DSCAM: variants seen among roughly 807,000 people sequenced by gnomAD.
DSCAM encodes cell adhesion molecule DSCAM.
In DSCAM, 47 loss-of-function variants were observed where a neutral mutation model predicts 217.7. That is an observed-to-expected ratio of 0.22 (90% confidence interval 0.17 to 0.28). The LOEUF (loss-of-function observed/expected upper bound fraction) is 0.28, where lower values mean the gene tolerates loss of function less well. Among genes scored for constraint, DSCAM ranks in the 10% least tolerant of loss-of-function variants. The pLI is 1.00. For missense variants in DSCAM, 2,080 were observed against 2,618.3 expected (o/e 0.79, Z 4.49); for synonymous variants, 1,056 against 1,015.3 (o/e 1.04, Z -0.76).
intron 1 of DSCAM, among the ~76,000 whole-genome samples, chr21:40,713,712 C>G (rs1051199482): frequency 6.6e-6 from 1 of 152,176 alleles, no homozygotes; most frequent in Non-Finnish European, 1.5e-5. Context: ...GGAATGAGCT[C>G]ATGCATTTTA....
chr21:40,675,798 CAG>C (rs1239729541), intron 3 of DSCAM, among the ~76,000 whole-genome samples: 8 of 152,230 alleles, frequency 5.3e-5, no homozygotes, highest in Middle Eastern at 3.2e-3. Flanking sequence ...TGCTGTTACA[CAG>C]AGTTTACAAT....
intron 8 of DSCAM, among the ~76,000 whole-genome samples, chr21:40,314,675 G>A (rs1226830757): frequency 6.6e-6 from 1 of 152,086 alleles, no homozygotes; most frequent in Non-Finnish European, 1.5e-5. Context: ...TTGATTTCCT[G>A]GACACAAAAA....
intron 1 of DSCAM, among the ~76,000 whole-genome samples, chr21:40,822,921 G>A (rs1317424146): frequency 9.2e-5 from 14 of 152,064 alleles, no homozygotes; most frequent in African/African-American, 3.4e-4. Flanking sequence ...AGGCCGAGGC[G>A]GGCGGATCAC....
chr21:40,375,788 T>C (rs1166706833), intron 3 of DSCAM, among the ~76,000 whole-genome samples: 1 of 152,232 alleles, frequency 6.6e-6, no homozygotes, highest in African/African-American at 2.4e-5. Flanking sequence ...TTATTGCTTG[T>C]ATTCAAAACA....
Position 40,846,810 on chromosome 21 carries a change from C to A in DSCAM, c.-149G>T. ...GCCGCCGCCGCCGCTGCCTAGCCGC[C>A]CGGGCACGCGGCGCGGCCGGGCTCC... On this transcript the variant is annotated 5_prime_UTR_variant, in exon 1 of 33. Coordinates refer to ENST00000400454, the MANE Select transcript of DSCAM (RefSeq NM_001389.5). The A allele has an allele frequency of 5.6e-6, 1 of 177,306 alleles. No homozygotes were observed. Among genetic ancestry groups the A allele is most frequent in the South Asian group, 1.7e-4 (1 of 5,750 alleles). The allele number at this position is 177,306 out of a possible 1,614,324, so 11.0% of individuals were successfully genotyped here. A position where few individuals can be genotyped will look rare whatever the true frequency, so the allele number is the denominator to read the frequency against.
At chr21:40,092,583 G>A (rs2089625354) in intron 21 of DSCAM, among the ~76,000 whole-genome samples, 1 of 152,218 alleles carries the variant, frequency 6.6e-6, no homozygotes, top group Admixed American at 6.5e-5. Flanking sequence ...GCTGTGTCTA[G>A]AGATAGAACT....
chr21:40,099,963 G>T lies in DSCAM; in HGVS notation c.3697-6089C>A, dbSNP rs77256568. ...AGAAGGCTAATGGCGAACCACAGTG[G>T]CAGAGGTTAGCCCTGCTCACAACAG... On this transcript the variant is annotated intron_variant, in intron 20 of 32. Coordinates refer to ENST00000400454, the MANE Select transcript of DSCAM (RefSeq NM_001389.5). Among the ~76,000 whole-genome samples, 468 of 152,302 alleles carry T rather than the reference G, an allele frequency of 3.1e-3. 5 individuals are homozygous for T. The highest frequency in any genetic ancestry group is 0.011 in the African/African-American group (446 of 41,554).
intron 3 of DSCAM, among the ~76,000 whole-genome samples, chr21:40,541,229 T>A (rs1051551669): frequency 4.6e-5 from 7 of 152,208 alleles, no homozygotes; most frequent in Non-Finnish European, 1.0e-4. Context: ...CACATTACTA[T>A]AACTAGTCCA....
chr21:40,406,281 C>T (rs1375177056), intron 3 of DSCAM, among the ~76,000 whole-genome samples: 1 of 152,158 alleles, frequency 6.6e-6, no homozygotes, highest in African/African-American at 2.4e-5. Context: ...ACCATATGAT[C>T]CAGCAGTCCC....
At chr21:40,671,494 T>C (rs2090272964) in intron 3 of DSCAM, among the ~76,000 whole-genome samples, 1 of 149,266 alleles carries the variant, frequency 6.7e-6, no homozygotes, top group African/African-American at 2.6e-5. Flanking sequence ...GTCAACATAG[T>C]GAAACTCCCC....
rs1014241000 is a variant in DSCAM at position 40,823,038 on chromosome 21, G to A, written c.43+23581C>T. Among the ~76,000 whole-genome samples the A allele has an allele frequency of 1.1e-4, 17 of 152,028 alleles. No homozygotes were observed. In the East Asian group the frequency reaches 1.9e-3, roughly 17 times the overall value. ...GGTGGTTCATGCTTGTAATTCCAGC[G>A]GCTTGGGAGGCTGAGACAGGAGAAT... On this transcript the variant is annotated intron_variant, in intron 1 of 32. Coordinates refer to ENST00000400454, the MANE Select transcript of DSCAM (RefSeq NM_001389.5).
intron 3 of DSCAM, among the ~76,000 whole-genome samples, chr21:40,567,228 T>C (rs1187937533): frequency 6.6e-6 from 1 of 152,226 alleles, no homozygotes; most frequent in African/African-American, 2.4e-5. Context: ...GAACTTACTG[T>C]GCCTAGCAAA....
At chr21:40,315,152 A>C (rs563822707) in intron 8 of DSCAM, among the ~76,000 whole-genome samples, 31 of 152,184 alleles carry the variant, frequency 2.0e-4, no homozygotes, top group Middle Eastern at 6.8e-3. Flanking sequence ...TAATCCCAAC[A>C]CTTTGGGAGG....
intron 21 of DSCAM, among the ~76,000 whole-genome samples, chr21:40,090,842 C>A (rs1357606052): frequency 6.6e-6 from 1 of 152,214 alleles, no homozygotes; most frequent in Non-Finnish European, 1.5e-5. Context: ...GGCTCTTCGT[C>A]ACCTTGGATT....
At chr21:40,204,379 A>G (rs1406294679) in intron 11 of DSCAM, among the ~76,000 whole-genome samples, 1 of 152,230 alleles carries the variant, frequency 6.6e-6, no homozygotes, top group East Asian at 1.9e-4. Context: ...GCTCCTAAAG[A>G]CTTTTAATTA....
chr21:40,664,454 A>G (rs2090177186), intron 3 of DSCAM, among the ~76,000 whole-genome samples: 1 of 152,174 alleles, frequency 6.6e-6, no homozygotes, highest in Admixed American at 6.5e-5. Flanking sequence ...GACCGACAGG[A>G]GAGGAAAGAG....
chr21:40,805,351 G>C (rs772457297), intron 1 of DSCAM, among the ~76,000 whole-genome samples: 1 of 152,088 alleles, frequency 6.6e-6, no homozygotes, highest in Non-Finnish European at 1.5e-5. Context: ...CTGCCTTCTG[G>C]CTCATGAGGC....
chr21:40,637,624 CATATATAAA>C (rs2089818428), intron 3 of DSCAM, among the ~76,000 whole-genome samples: 1 of 33,292 alleles, frequency 3.0e-5, no homozygotes. Context: ...TAAATATATA[CATATATAAA>C]TATATATAAA....
At chr21:40,377,389 T>C (rs1569093630) in intron 3 of DSCAM, among the ~76,000 whole-genome samples, 1 of 151,630 alleles carries the variant, frequency 6.6e-6, no homozygotes, top group African/African-American at 2.4e-5. Flanking sequence ...CAAGCGGAGG[T>C]ACAACCAGAG....
Sources: gnomAD v4.1 joint callset for allele counts (sites outside exome capture counted in the v4.1 genomes callset) on GRCh38, gnomAD v4.1.1 for gene constraint, MANE v1.5 for transcripts, NCBI Gene and HGNC (gene_info 2026-07-23, HGNC 2026-07-21) for gene names.